Variants in GRID2 observed in about 807,000 individuals in gnomAD.
The protein encoded by GRID2 is glutamate ionotropic receptor delta type subunit 2, also known as glutamate receptor ionotropic, delta-2.
A neutral mutation model predicts 114.8 loss-of-function variants in GRID2; 33 were observed. The ratio of observed to expected loss-of-function variants is 0.29; its 90% CI spans 0.22 to 0.38. The LOEUF is 0.38. Among genes scored for constraint, GRID2 ranks in the 10% least tolerant of loss-of-function variants. GRID2 has a pLI of 1.00. For missense variants in GRID2, 1,184 were observed against 1,257.7 expected (o/e 0.94, Z 0.89); for synonymous variants, 505 against 449.9 (o/e 1.12, Z -1.55).
chr4:93,191,149 A>G (rs1579243412), intron 4 of GRID2, among the ~76,000 whole-genome samples: 1 of 152,060 alleles, frequency 6.6e-6, no homozygotes, highest in South Asian at 2.1e-4. Flanking sequence ...CACGTGTTTT[A>G]TTTTTAATGG....
intron 8 of GRID2, among the ~76,000 whole-genome samples, chr4:93,275,049 T>A (rs1289149479): frequency 2.6e-5 from 4 of 151,914 alleles, no homozygotes; most frequent in Non-Finnish European, 5.9e-5. Context: ...AAACTGTACA[T>A]CCAATAGTAG....
At chr4:93,543,085 T>C (rs528110028) in intron 13 of GRID2, among the ~76,000 whole-genome samples, 1 of 152,300 alleles carries the variant, frequency 6.6e-6, no homozygotes, top group African/African-American at 2.4e-5. Context: ...ACTGCATCCC[T>C]TCCCCAAGTT....
At chr4:92,685,649 CAT>C (rs1238172982) in intron 2 of GRID2, among the ~76,000 whole-genome samples, 7 of 151,946 alleles carry the variant, frequency 4.6e-5, no homozygotes, top group African/African-American at 1.7e-4. Context: ...ACAGTACACT[CAT>C]ATGATGTGGA....
At chr4:93,449,892 G>A (rs1371788397) in intron 10 of GRID2, among the ~76,000 whole-genome samples, 1 of 151,968 alleles carries the variant, frequency 6.6e-6, no homozygotes. Context: ...TACAGTAGAT[G>A]TGAAAAATAC....
intron 1 of GRID2, among the ~76,000 whole-genome samples, chr4:92,372,761 T>G (rs1295136717): frequency 2.0e-5 from 3 of 152,110 alleles, no homozygotes; most frequent in African/African-American, 7.2e-5. Flanking sequence ...CCCCCTATTT[T>G]TATATGATAG....
At chr4:93,052,023 C>T (rs765699531) in intron 2 of GRID2, among the ~76,000 whole-genome samples, 3 of 151,852 alleles carry the variant, frequency 2.0e-5, no homozygotes, top group Non-Finnish European at 2.9e-5. Context: ...TTGGCAATTA[C>T]GTTAAAAATG....
chr4:93,360,473 A>G (rs1406210012), intron 8 of GRID2, among the ~76,000 whole-genome samples: 1 of 151,868 alleles, frequency 6.6e-6, no homozygotes, highest in African/African-American at 2.4e-5. Context: ...CAGTATTTCT[A>G]TTTTCTAAAT....
chr4:93,509,255 G>A (rs112860226), intron 12 of GRID2, among the ~76,000 whole-genome samples: 4 of 152,208 alleles, frequency 2.6e-5, no homozygotes, highest in African/African-American at 4.8e-5. Context: ...GCTATTAGAC[G>A]TGGAAAGGCA....
At chr4:92,617,286 C>A (rs1358359353) in intron 2 of GRID2, among the ~76,000 whole-genome samples, 2 of 151,072 alleles carry the variant, frequency 1.3e-5, no homozygotes, top group Non-Finnish European at 3.0e-5. Context: ...TATACATATG[C>A]CATGGTGGTT....
chr4:92,824,605 T>G (rs1741557183), intron 2 of GRID2, among the ~76,000 whole-genome samples: 2 of 152,152 alleles, frequency 1.3e-5, no homozygotes, highest in Admixed American at 1.3e-4. Flanking sequence ...AAGAAAATTA[T>G]AATTATCAGA....
chr4:92,639,656 G>T (rs1731248225), intron 2 of GRID2, among the ~76,000 whole-genome samples: 1 of 151,512 alleles, frequency 6.6e-6, no homozygotes, highest in Non-Finnish European at 1.5e-5. Context: ...AATGAGGGGG[G>T]CCTGGATGAT....
intron 1 of GRID2, among the ~76,000 whole-genome samples, chr4:92,384,550 A>G (rs1579275792): frequency 2.4e-5 from 1 of 41,618 alleles, no homozygotes; most frequent in South Asian, 7.2e-4. Flanking sequence ...AATATATAAT[A>G]TATATTATAT....
chr4:92,973,357 T>C (rs1490594441), intron 2 of GRID2, among the ~76,000 whole-genome samples: 5 of 152,178 alleles, frequency 3.3e-5, no homozygotes, highest in Non-Finnish European at 1.5e-5. Flanking sequence ...GATCCCATAC[T>C]CTCATAAGAA....
In GRID2 at chr4:92,419,531, G is replaced by T. The variant is rs575523753; in HGVS notation, c.88+114787G>T. Among the ~76,000 whole-genome samples the T allele has an allele frequency of 6.6e-5, 10 of 152,244 alleles. No homozygotes were observed. In the East Asian group the frequency reaches 1.9e-3, roughly 29 times the overall value. On this transcript the variant is annotated intron_variant, in intron 1 of 15. Coordinates refer to ENST00000282020, the MANE Select transcript of GRID2 (RefSeq NM_001510.4). ...TTGTGATTTTAGAAAATGGTAAGAA[G>T]CCAGATTGAAGTCATATCTCGTGTT...
At chr4:92,930,578 A>AC (rs1553951247) in intron 2 of GRID2, among the ~76,000 whole-genome samples, 9 of 119,502 alleles carry the variant, frequency 7.5e-5, no homozygotes, top group African/African-American at 2.8e-4. Flanking sequence ...CACTTTCGGC[A>AC]TTTTTTTTTT....
chr4:93,436,365 C>T (rs905386272), intron 10 of GRID2, among the ~76,000 whole-genome samples: 8 of 152,134 alleles, frequency 5.3e-5, no homozygotes, highest in Admixed American at 4.6e-4. Context: ...TCAGCTTTAA[C>T]ATTCACTGGC....
intron 2 of GRID2, among the ~76,000 whole-genome samples, chr4:92,802,587 A>T (rs1740226766): frequency 6.6e-6 from 1 of 151,910 alleles, no homozygotes; most frequent in Non-Finnish European, 1.5e-5. Context: ...AACCAATTCC[A>T]GTTATTATAC....
At chr4:92,948,395 AT>A (rs1751798440) in intron 2 of GRID2, among the ~76,000 whole-genome samples, 1 of 151,796 alleles carries the variant, frequency 6.6e-6, no homozygotes, top group African/African-American at 2.4e-5. Context: ...TGTAAAGGTT[AT>A]TTTTATACTA....
intron 13 of GRID2, among the ~76,000 whole-genome samples, chr4:93,519,598 C>T (rs1021269725): frequency 3.3e-5 from 5 of 152,132 alleles, no homozygotes; most frequent in Admixed American, 1.3e-4. Context: ...GGGCCATATT[C>T]ACTTCCCATT....
Sources: gnomAD v4.1 joint callset for allele counts (sites outside exome capture counted in the v4.1 genomes callset) on GRCh38, gnomAD v4.1.1 for gene constraint, MANE v1.5 for transcripts, NCBI Gene and HGNC (gene_info 2026-07-23, HGNC 2026-07-21) for gene names.